Variants in ITSN2 observed in about 807,000 individuals in gnomAD.
ITSN2 encodes intersectin 2, also known as intersectin-2.
Under a neutral mutation model 243.7 loss-of-function variants are expected in ITSN2, and 156 were observed. The ratio of observed to expected loss-of-function variants is 0.64; its 90% CI spans 0.56 to 0.73. The LOEUF (loss-of-function observed/expected upper bound fraction) is 0.73. ITSN2 is among the 30% of genes least tolerant of loss of function. ITSN2 has a pLI of 0.00. For missense variants in ITSN2, 1,801 were observed against 1,996.1 expected (o/e 0.90, Z 1.86); for synonymous variants, 703 against 699.9 (o/e 1.00, Z -0.07).
At chr2:24,270,160 A>G (rs143173384) in intron 20 of ITSN2, among the ~76,000 whole-genome samples, 50 of 152,290 alleles carry the variant, frequency 3.3e-4, no homozygotes, top group African/African-American at 1.2e-3. Flanking sequence ...CAGAGACTAA[A>G]ATCCAAGTTT....
chr2:24,288,863 TCTA>T (rs1679883320), intron 15 of ITSN2, among the ~76,000 whole-genome samples: 2 of 152,298 alleles, frequency 1.3e-5, no homozygotes, highest in Non-Finnish European at 2.9e-5. Flanking sequence ...CATTTTATTC[TCTA>T]CTTTTATGGA....
At chr2:24,315,920 A>T (rs973778365) in intron 2 of ITSN2, among the ~76,000 whole-genome samples, 11 of 152,198 alleles carry the variant, frequency 7.2e-5, no homozygotes, top group Non-Finnish European at 1.5e-4. Context: ...AGTTCTTTAT[A>T]GCAGTGTGAA....
At chr2:24,351,107 TCCACCTCCACTTG>T (rs1687985510) in intron 1 of ITSN2, among the ~76,000 whole-genome samples, 1 of 152,120 alleles carries the variant, frequency 6.6e-6, no homozygotes, top group African/African-American at 2.4e-5. Flanking sequence ...CCTCCCCACC[TCCACCTCCACTTG>T]ATCTTATTCC....
chr2:24,236,407 A>C (rs1325131855), intron 29 of ITSN2, among the ~76,000 whole-genome samples: 1 of 152,176 alleles, frequency 6.6e-6, no homozygotes, highest in Admixed American at 6.5e-5. Context: ...AGGTGATAAA[A>C]ATGTCTTATA....
At chr2:24,246,655 A>G in intron 28 of ITSN2, 142 bp downstream of exon 28, 1 of 610,044 alleles carries the variant, frequency 1.6e-6, no homozygotes, top group Non-Finnish European at 2.8e-6. Context: ...CAGAAAGGAA[A>G]TTCTCAGTGG....
At chr2:24,312,563 G>T (rs1371575770) in intron 4 of ITSN2, among the ~76,000 whole-genome samples, 188 bp from the exon 5 acceptor site, 2 of 152,048 alleles carry the variant, frequency 1.3e-5, no homozygotes, top group African/African-American at 2.4e-5. Context: ...AAGAAATACT[G>T]ACCAGAGATA....
At chr2:24,259,297 C>T (rs1675495318) in intron 22 of ITSN2, among the ~76,000 whole-genome samples, 3 of 152,170 alleles carry the variant, frequency 2.0e-5, no homozygotes, top group Admixed American at 2.0e-4. Flanking sequence ...ATATCATTTC[C>T]TAATAATCTT....
At chr2:24,210,440 C>T in intron 34 of ITSN2, 1 of 286,718 alleles carries the variant, frequency 3.5e-6, no homozygotes, top group Non-Finnish European at 6.5e-6. Flanking sequence ...GGTGAAACCC[C>T]AGCTCTACTA....
rs532753594 is a variant in ITSN2, at chr2:24,246,391, C to A, written c.3386-71G>T. ...CCTGCAAGGGTCAATCATTTGTAAT[C>A]TCCCTAGGATTTAAATTATTTTAAT... On this transcript the variant is annotated intron_variant, in intron 28 of 39. Coordinates refer to ENST00000355123, the MANE Select transcript of ITSN2 (RefSeq NM_006277.3). 287 of 857,614 alleles carry A rather than the reference C, an allele frequency of 3.3e-4. 1 individual carries two copies. The African/African-American group carries it at 4.8e-3, about 14-fold the overall frequency. 53.1% of individuals were successfully genotyped at this position (857,614 alleles called of 1,614,324 possible). A position where few individuals can be genotyped will look rare whatever the true frequency, so the allele number is the denominator to read the frequency against.
intron 4 of ITSN2, 70 bp from the exon 5 acceptor site, chr2:24,312,445 A>T (rs1683366870): frequency 8.4e-7 from 1 of 1,184,442 alleles, no homozygotes; most frequent in Admixed American, 2.5e-5. Context: ...TATTTTGGGG[A>T]TTGACAAAGT....
At chr2:24,315,299 A>T in intron 2 of ITSN2, 75 bp from the exon 3 acceptor site, 1 of 819,724 alleles carries the variant, frequency 1.2e-6, no homozygotes. Flanking sequence ...GTAAATAGAA[A>T]TCACAAGTGT....
In ITSN2 at chr2:24,312,251, G is replaced by T. The variant is rs779600727; in HGVS notation, c.313C>A (p.Gln105Lys). ...ATTAATGGAGAAAACATAGGGGGTT[G>T]CTTCATAATAGGAGGGAGAACCACA... is the stretch of plus-strand genomic sequence containing the variant. ...LPVVLPPIMK[Q>K]PPMFSPLISA... The change falls in exon 5 of 40, where the codon CAA (glutamine) becomes AAA (lysine). Residue 105 changes from glutamine (Q) to lysine (K), a missense_variant. This residue lies in a region of ITSN2 where 787 missense variants were observed against 803.9 expected (regional missense o/e 0.98). Transcript: ENST00000355123. The T allele has an allele frequency of 2.5e-6, 4 of 1,612,868 alleles. No individual in the cohort carries two copies. The South Asian group carries it at 3.3e-5, about 13-fold the overall frequency.
chr2:24,320,988 G>A (rs1401362935), intron 2 of ITSN2, among the ~76,000 whole-genome samples: 1 of 152,176 alleles, frequency 6.6e-6, no homozygotes, highest in Non-Finnish European at 1.5e-5. Flanking sequence ...TTAGTGGTAT[G>A]TACACTCATG....
At position 24,204,512 on chromosome 2, in the gene ITSN2, A is replaced by C; in HGVS notation, c.4763-94T>G. ...CCTGAGCAGAAGCAGGATTCCAATA[A>C]TGGGTCACTCGAGACCATGGCAGCA... is the stretch of plus-strand genomic sequence containing the variant. On this transcript the variant is annotated intron_variant, in intron 38 of 39. Transcript: ENST00000355123. This position sits in a 1 kb window ranked among gnomAD's most constrained non-coding sequence, Gnocchi z 5.1. The C allele has an allele frequency of 1.8e-6, 2 of 1,137,316 alleles. No individual in the cohort carries two copies. Among genetic ancestry groups the C allele is most frequent in the African/African-American group, 1.5e-5 (1 of 65,796 alleles). 70.5% of individuals were successfully genotyped at this position (1,137,316 alleles called of 1,614,324 possible).
chr2:24,254,058 C>T (rs994073392), intron 24 of ITSN2, among the ~76,000 whole-genome samples: 38 of 152,200 alleles, frequency 2.5e-4, no homozygotes, highest in African/African-American at 9.2e-4. Flanking sequence ...ATTTCCTTAC[C>T]TCCTAAACAT....
intron 1 of ITSN2, among the ~76,000 whole-genome samples, chr2:24,329,283 C>T (rs1321265540): frequency 3.3e-5 from 5 of 151,816 alleles, no homozygotes; most frequent in South Asian, 2.1e-4. Context: ...TTTCTTGAGA[C>T]GGAGTCTCGC....
In ITSN2 at chr2:24,203,712, G is replaced by A. The variant is rs140804905; in HGVS notation, c.5008C>T (p.Arg1670Cys). Residue 1670 changes from arginine (R) to cysteine (C), a missense_variant, in exon 40 of 40, where the codon CGC becomes TGC. Physicochemically the swap from Arg to Cys is radical, Grantham distance 180. Transcript: ENST00000355123. ...TEQESKGPMT[R>C]RLLLHEVPTG... is the part of the protein sequence containing the mutation. Reference sequence around the variant, plus strand: ...GGGACCTCATGCAGCAGCAGTCGGCGGGTCATAGGGCCTTTGCTTTCCTGT... The same window carrying A: ...GGGACCTCATGCAGCAGCAGTCGGCAGGTCATAGGGCCTTTGCTTTCCTGT... 3.4e-4 allele frequency: 541 copies of A among 1,614,172 alleles called. No homozygotes were observed. Among genetic ancestry groups the A allele is most frequent in the African/African-American group, 4.0e-4 (30 of 75,054 alleles).
In ITSN2 at chr2:24,247,393, T is replaced by A. The variant is rs567130867; in HGVS notation, c.3289-500A>T. Among the ~76,000 whole-genome samples the A allele has an allele frequency of 7.2e-5, 11 of 152,302 alleles. No homozygotes were observed. The South Asian group carries it at 2.3e-3, about 32-fold the overall frequency. The stretch of plus-strand genomic sequence containing the variant: ...ACTGCACTCTGCCCCATGTGTCTCT[T>A]CCCTTGGCTGACTTTAATCTGTATC... On this transcript the variant is annotated intron_variant, in intron 27 of 39. Transcript: ENST00000355123.
intron 22 of ITSN2, among the ~76,000 whole-genome samples, chr2:24,260,462 GAAAA>G (rs1164336060): frequency 1.2e-5 from 1 of 86,642 alleles, no homozygotes; most frequent in Admixed American, 1.2e-4. Flanking sequence ...ATAACTTTAA[GAAAA>G]AAAAAAAAAA....
Sources: gnomAD v4.1 joint callset for allele counts (sites outside exome capture counted in the v4.1 genomes callset) on GRCh38, gnomAD v4.1.1 for gene constraint, gnomAD v4.1.1 regional missense constraint, Gnocchi (gnomAD v3.1) non-coding constraint, MANE v1.5 for transcripts, NCBI Gene and HGNC (gene_info 2026-07-23, HGNC 2026-07-21) for gene names.